The following LRIG2 variants were observed in gnomAD, a reference collection of about 807,000 sequenced individuals.
LRIG2 encodes the protein leucine-rich repeats and immunoglobulin-like domains protein 2.
A neutral mutation model predicts 107.8 loss-of-function variants in LRIG2; 93 were observed. The ratio of observed to expected loss-of-function variants is 0.86; its 90% confidence interval spans 0.73 to 1.03. LRIG2 has a LOEUF of 1.03. LRIG2 is among the 50% of genes least tolerant of loss of function. LRIG2 has a pLI of 0.00. For missense variants in LRIG2, 1,226 were observed against 1,296.0 expected, an observed-to-expected ratio of 0.95 and a Z score of 0.83; for synonymous variants, 471 against 470.6, an observed-to-expected ratio of 1.00 and a Z score of -0.01.
rs757770131 is a variant in LRIG2 at position 113,114,562 on chromosome 1, C to T, written c.2216C>T (p.Thr739Ile). The change falls in exon 15 of 18, where the codon ACA (threonine) becomes ATA (isoleucine). Residue 739 changes from threonine (T) to isoleucine (I), a missense_variant. Thr to Ile is a moderately conservative substitution (Grantham distance 89, BLOSUM62 -1). Coordinates refer to ENST00000361127, the MANE Select transcript of LRIG2 (RefSeq NM_014813.3). ...AAAGATGATGGGCCTTTGCTGGTGA[C>T]AGAACGACATTTCTTTGCTGCAGCC... is the stretch of plus-strand genomic sequence containing the variant. Reference protein sequence around the residue: ...WTKDDGPLLVTERHFFAAANQ... With the variant: ...WTKDDGPLLVIERHFFAAANQ... The T allele has an allele frequency of 1.2e-6, 2 of 1,614,082 alleles. No individual in the cohort carries two copies. The highest frequency in any genetic ancestry group is 3.3e-5 in the Admixed American group (2 of 59,986).
Position 113,112,691 on chromosome 1 carries a change from G to A in LRIG2, c.2011G>A (p.Gly671Arg). 6.2e-7 allele frequency: 1 copy of A among 1,613,914 alleles called. No individual in the cohort carries two copies. Among genetic ancestry groups the A allele is most frequent in the Non-Finnish European group, 8.5e-7 (1 of 1,179,852 alleles). ...TGCCAATGTGAAAATAGAAGATATG[G>A]GAATCTATAGCTGCATGGCACAAAA... Reference protein sequence around the residue: ...FIANVKIEDMGIYSCMAQNTA... With the variant: ...FIANVKIEDMRIYSCMAQNTA... Residue 671 changes from glycine (G) to arginine (R), a missense_variant, in exon 14 of 18, where the codon GGA becomes AGA. Gly to Arg is a moderately radical substitution (Grantham distance 125). Coordinates refer to ENST00000361127, the MANE Select transcript of LRIG2 (RefSeq NM_014813.3).
At chr1:113,073,906 G>T (rs1652830908) in intron 1 of LRIG2, among the ~76,000 whole-genome samples, 1 of 149,944 alleles carries the variant, frequency 6.7e-6, no homozygotes, top group Admixed American at 6.8e-5. Context: ...CAACTGGGGA[G>T]GAAATGGGGC....
At chr1:113,110,601 G>A (rs1557914660) in intron 13 of LRIG2, 39 bp downstream of exon 13, 2 of 1,439,084 alleles carry the variant, frequency 1.4e-6, no homozygotes, top group Non-Finnish European at 1.9e-6. Context: ...TAGTTTAGAA[G>A]GATTTTTCAT....
At chr1:113,076,461 G>A (rs79564620) in intron 1 of LRIG2, among the ~76,000 whole-genome samples, 4,390 of 152,264 alleles carry the variant, frequency 0.029, 212 homozygotes, top group African/African-American at 0.1. Flanking sequence ...GTCCTATAAT[G>A]AAATGACATT....
At chr1:113,123,727 T>TTTTTTTGTGTG in intron 17 of LRIG2, 148 bp from the exon 18 acceptor site, 1 of 580,824 alleles carries the variant, frequency 1.7e-6, no homozygotes, top group African/African-American at 2.0e-5. Context: ...GTGGTGGTTT[T>TTTTTTTGTGTG]TGTGTGTGTG....
intron 11 of LRIG2, among the ~76,000 whole-genome samples, chr1:113,104,823 TCA>T (rs1229787454): frequency 6.6e-6 from 1 of 152,140 alleles, no homozygotes; most frequent in African/African-American, 2.4e-5. Context: ...CTCCAAAATC[TCA>T]GTTTCCATTT....
rs180834064 is a variant in LRIG2 at position 113,087,084 on chromosome 1, A to G, written c.240-4234A>G. On this transcript the variant is annotated intron_variant, in intron 1 of 17. Transcript: ENST00000361127. ...CTTGAGCCTGGGAGGTGAAGGCTGT[A>G]GTGAGGTGTGATGTCACCACTGCAT... is the stretch of plus-strand genomic sequence containing the variant. Among the ~76,000 whole-genome samples, 21 of 152,324 alleles carry G rather than the reference A, an allele frequency of 1.4e-4. 1 individual carries two copies. In the East Asian group the frequency reaches 4.0e-3, roughly 29 times the overall value.
At chr1:113,090,203 G>T (rs1004544080) in intron 1 of LRIG2, among the ~76,000 whole-genome samples, 2 of 152,126 alleles carry the variant, frequency 1.3e-5, no homozygotes, top group African/African-American at 4.8e-5. Context: ...AAAAAAGCAA[G>T]GGGCAAAATG....
Position 113,125,119 on chromosome 1 carries a change from GA to G in LRIG2, c.*1020del, listed in dbSNP as rs1655434680. The G allele has an allele frequency of 6.6e-6, 1 of 152,172 alleles. No homozygotes were observed. The highest frequency in any genetic ancestry group is 2.4e-5 in the African/African-American group (1 of 41,444). The allele number at this position is 152,172 out of a possible 1,614,324, so 9.4% of individuals were successfully genotyped here. On this transcript the variant is annotated 3_prime_UTR_variant, in exon 18 of 18. Transcript: ENST00000361127. ...AAATCAAGGCTGCAGTGAGCTGTGTGAAGCCACTGCATCCCAGCCTGGGTGA... is the reference window on the plus strand; with the variant it reads ...AAATCAAGGCTGCAGTGAGCTGTGTGAGCCACTGCATCCCAGCCTGGGTGA...
chr1:113,076,706 A>C (rs994649032), intron 1 of LRIG2, among the ~76,000 whole-genome samples: 1 of 152,180 alleles, frequency 6.6e-6, no homozygotes, highest in Admixed American at 6.5e-5. Context: ...TATATTAGGG[A>C]TTCAAATATA....
rs533172354 is a variant in LRIG2 at position 113,074,999 on chromosome 1, C to T, written c.239+1354C>T. 2.1e-3 allele frequency among the ~76,000 whole-genome samples: 316 copies of T among 152,072 alleles called. 1 individual carries two copies. Among genetic ancestry groups the T allele is most frequent in the Non-Finnish European group, 2.7e-3 (185 of 67,988 alleles). On this transcript the variant is annotated intron_variant, in intron 1 of 17. Transcript: ENST00000361127. Reference sequence around the variant, plus strand: ...CTGGGAGGCTGAGGCGGGCTGATCACCTAAGGTTGGGAGTTCGAGACCAAC... The same window carrying T: ...CTGGGAGGCTGAGGCGGGCTGATCATCTAAGGTTGGGAGTTCGAGACCAAC...
intron 2 of LRIG2, 88 bp downstream of exon 2, chr1:113,091,471 G>A: frequency 1.3e-6 from 1 of 783,184 alleles, no homozygotes. Context: ...ATCCAGAGAT[G>A]CCATAAAAAA....
rs770056531 is a variant in LRIG2, at chr1:113,073,605, A to T, written c.199A>T (p.Arg67Trp). The T allele has an allele frequency of 6.2e-7, 1 of 1,613,608 alleles. No individual in the cohort carries two copies. Among genetic ancestry groups the T allele is most frequent in the Non-Finnish European group, 8.5e-7 (1 of 1,179,986 alleles). ...CAGGAAATTGCCCGCACCGAGCTGG[A>T]GGGCGCTGTCGGGCTTGCTGCCCCC... ...SRRKLPAPSW[R>W]ALSGLLPPDT... Residue 67 changes from arginine to tryptophan, a missense_variant, in exon 1 of 18, where the codon AGG becomes TGG. Around this residue, in one of 3 missense-constraint regions of LRIG2, gnomAD observed 570 missense variants for 550.2 expected, o/e 1.04. Transcript: ENST00000361127.
intron 1 of LRIG2, among the ~76,000 whole-genome samples, chr1:113,082,644 A>G (rs1397717206): frequency 1.3e-5 from 2 of 152,106 alleles, no homozygotes. Flanking sequence ...ATTTAGAGAC[A>G]GGGTCTCTCT....
intron 7 of LRIG2, 88 bp from the exon 8 acceptor site, chr1:113,096,134 G>C (rs1654054810): frequency 1.9e-6 from 3 of 1,577,058 alleles, no homozygotes; most frequent in South Asian, 2.3e-5. Flanking sequence ...TTTGTAGAAA[G>C]CTCTAAATTT....
At position 113,114,803 on chromosome 1, in the gene LRIG2, C is replaced by T. The variant is rs1403184113; in HGVS notation, c.2457C>T (p.Gly819=). 1.2e-6 allele frequency: 2 copies of T among 1,613,982 alleles called. No homozygotes were observed. The highest frequency in any genetic ancestry group is 1.7e-5 in the Admixed American group (1 of 60,000). Residue 819 remains glycine, a synonymous_variant, in exon 15 of 18, where the codon GGC becomes GGT. Transcript: ENST00000361127. ...VIIVVVCCVV[G]TSLIWVIVIY... ...TTGTTGTGGTCTGCTGTGTTGTTGG[C>T]ACTTCTTTGATCTGGGTCATTGTTA...
At position 113,119,225 on chromosome 1, in the gene LRIG2, G is replaced by A. The variant is rs760714893; in HGVS notation, c.2681-8G>A. 2 of 1,597,512 alleles carry A rather than the reference G, an allele frequency of 1.3e-6. No individual in the cohort carries two copies. Among genetic ancestry groups the A allele is most frequent in the Non-Finnish European group, 1.7e-6 (2 of 1,169,894 alleles). ...GAAAGATATTTAGATTCTTTTTCTT[G>A]TTATTAGGTGGCACTGGTACCCGGG... On this transcript the variant is annotated splice_region_variant and splice_polypyrimidine_tract_variant and intron_variant, in intron 16 of 17. Transcript: ENST00000361127.
intron 17 of LRIG2, among the ~76,000 whole-genome samples, chr1:113,120,375 G>A (rs916886228): frequency 2.0e-5 from 3 of 151,910 alleles, no homozygotes; most frequent in Non-Finnish European, 4.4e-5. Context: ...ACTTAAGCTC[G>A]AGATGGAGGT....
intron 16 of LRIG2, 34 bp from the exon 17 acceptor site, chr1:113,119,199 A>G: frequency 6.3e-7 from 1 of 1,582,168 alleles, no homozygotes; most frequent in Non-Finnish European, 8.6e-7. Flanking sequence ...ATTCCTTAAC[A>G]GAAAGATATT....
Sources: gnomAD v4.1 joint callset for allele counts (sites outside exome capture counted in the v4.1 genomes callset) on GRCh38, gnomAD v4.1.1 for gene constraint, gnomAD v4.1.1 regional missense constraint, MANE v1.5 for transcripts, NCBI Gene and HGNC (gene_info 2026-07-23, HGNC 2026-07-21) for gene names.